The following DISC1 variants were observed in gnomAD, a reference collection of about 807,000 sequenced individuals.
The protein encoded by DISC1 is disrupted in schizophrenia 1 protein.
A neutral mutation model predicts 84.5 loss-of-function variants in DISC1; 57 were observed. The observed-to-expected ratio is 0.67, with a 90% CI of 0.55 to 0.84. The LOEUF is 0.84. Among genes scored for constraint, DISC1 ranks in the 40% least tolerant of loss-of-function variants. DISC1 has a pLI of 0.00. For missense variants in DISC1, 1,000 were observed against 1,057.8 expected (o/e 0.95, Z 0.76); for synonymous variants, 411 against 415.2 (o/e 0.99, Z 0.12).
At chr1:232,012,164 A>G (rs1488438174) in intron 11 of DISC1, among the ~76,000 whole-genome samples, 1 of 152,086 alleles carries the variant, frequency 6.6e-6, no homozygotes, top group Non-Finnish European at 1.5e-5. Flanking sequence ...AGCAACAGCT[A>G]TTTGTTTGTA....
At chr1:231,743,243 A>G (rs2073546599) in intron 3 of DISC1, among the ~76,000 whole-genome samples, 2 of 152,366 alleles carry the variant, frequency 1.3e-5, no homozygotes, top group Admixed American at 1.3e-4. Flanking sequence ...CACATACAAA[A>G]TGCCAGGCAT....
chr1:231,957,492 T>C (rs1485610306), intron 9 of DISC1, among the ~76,000 whole-genome samples: 3 of 152,250 alleles, frequency 2.0e-5, no homozygotes, highest in African/African-American at 7.2e-5. Flanking sequence ...CAGGAATCTT[T>C]ACCTCTTCTG....
At chr1:231,762,772 C>T (rs1393472415) in intron 4 of DISC1, among the ~76,000 whole-genome samples, 3 of 152,024 alleles carry the variant, frequency 2.0e-5, no homozygotes, top group African/African-American at 7.2e-5. Flanking sequence ...CGTTCTGTCT[C>T]CATCCCCAAA....
At chr1:231,866,650 C>A in intron 9 of DISC1, 1 of 1,549,564 alleles carries the variant, frequency 6.5e-7, no homozygotes. Context: ...CGCTCAACTA[C>A]TATTAATTGA....
intron 9 of DISC1, among the ~76,000 whole-genome samples, chr1:231,834,067 C>T (rs1459893201): frequency 2.6e-5 from 4 of 152,108 alleles, no homozygotes; most frequent in Admixed American, 1.3e-4. Flanking sequence ...AGAGCCTAAA[C>T]ACTATCTGAT....
chr1:231,811,031 G>A (rs2080242676), intron 8 of DISC1, among the ~76,000 whole-genome samples: 1 of 152,108 alleles, frequency 6.6e-6, no homozygotes, highest in Admixed American at 6.5e-5. Flanking sequence ...TGTATATTTA[G>A]TCAGTCACCA....
intron 9 of DISC1, among the ~76,000 whole-genome samples, chr1:231,900,136 G>A (rs138467477): frequency 6.6e-6 from 1 of 152,148 alleles, no homozygotes; most frequent in Non-Finnish European, 1.5e-5. Flanking sequence ...TGCCTTTCAC[G>A]TTTGCTTTCA....
At chr1:232,005,452 C>T in intron 10 of DISC1, among the ~76,000 whole-genome samples, 1 of 152,138 alleles carries the variant, frequency 6.6e-6, no homozygotes, top group Non-Finnish European at 1.5e-5. Flanking sequence ...TTTCTTTTCT[C>T]TCACTGCTTT....
intron 10 of DISC1, among the ~76,000 whole-genome samples, chr1:231,973,309 G>T (rs1192399881): frequency 3.9e-5 from 6 of 152,150 alleles, no homozygotes; most frequent in Admixed American, 3.9e-4. Flanking sequence ...GCCTCCCAAA[G>T]TGCTGGGATT....
At chr1:231,850,898 G>T (rs546630487) in intron 9 of DISC1, among the ~76,000 whole-genome samples, 2 of 152,114 alleles carry the variant, frequency 1.3e-5, no homozygotes, top group African/African-American at 4.8e-5. Flanking sequence ...AACACAAATG[G>T]CTCATTGTTT....
At chr1:231,922,839 G>GT (rs538557546) in intron 9 of DISC1, among the ~76,000 whole-genome samples, 167 of 152,120 alleles carry the variant, frequency 1.1e-3, no homozygotes, top group Middle Eastern at 3.4e-3. Flanking sequence ...CACCTTCTGT[G>GT]TTTTCACCTC....
At chr1:231,882,050 T>C (rs1257573172) in intron 9 of DISC1, among the ~76,000 whole-genome samples, 1 of 152,198 alleles carries the variant, frequency 6.6e-6, no homozygotes, top group Non-Finnish European at 1.5e-5. Context: ...CTCCCTGCTG[T>C]GGGCCCAGGG....
At chr1:231,892,393 G>T (rs1240413262) in intron 9 of DISC1, among the ~76,000 whole-genome samples, 1 of 152,142 alleles carries the variant, frequency 6.6e-6, no homozygotes, top group African/African-American at 2.4e-5. Context: ...TGGTGTCCAA[G>T]TAGTGCCTTC....
In DISC1 at chr1:231,818,411, C is replaced by T; in HGVS notation, c.1875C>T (p.Leu625=). The T allele has an allele frequency of 2.5e-6, 4 of 1,614,158 alleles. No homozygotes were observed. The highest frequency in any genetic ancestry group is 3.4e-6 in the Non-Finnish European group (4 of 1,180,012). Residue 625 remains leucine, a synonymous_variant, in exon 9 of 13, where the codon CTC becomes CTT. Coordinates refer to ENST00000439617, the MANE Select transcript of DISC1 (RefSeq NM_018662.3). The stretch of plus-strand genomic sequence containing the variant: ...AGAGAGAAGGGCTGGAGGGACTCCT[C>T]AGCAAGCTGTTGGTGTTGAGTTCCA... ...TSEREGLEGL[L]SKLLVLSSRN...
At chr1:231,896,388 T>C (rs2087692698) in intron 9 of DISC1, among the ~76,000 whole-genome samples, 1 of 152,238 alleles carries the variant, frequency 6.6e-6, no homozygotes, top group Non-Finnish European at 1.5e-5. Context: ...ACTCTAGGTA[T>C]GGCTTCTACT....
At chr1:231,982,677 TA>T (rs1321598098) in intron 10 of DISC1, among the ~76,000 whole-genome samples, 1 of 151,570 alleles carries the variant, frequency 6.6e-6, no homozygotes, top group Non-Finnish European at 1.5e-5. Context: ...GAAAGCGACT[TA>T]GGGGAAACAC....
intron 2 of DISC1, among the ~76,000 whole-genome samples, 168 bp from the exon 3 acceptor site, chr1:231,701,787 G>T (rs2066455292): frequency 6.6e-6 from 1 of 151,466 alleles, no homozygotes; most frequent in African/African-American, 2.4e-5. Flanking sequence ...TTTTTTTGGA[G>T]AAACTAATGC....
intron 10 of DISC1, among the ~76,000 whole-genome samples, chr1:231,995,793 A>G (rs959608499): frequency 2.6e-5 from 4 of 151,590 alleles, no homozygotes; most frequent in African/African-American, 4.8e-5. Context: ...TAGTGCCGCA[A>G]TAAACATACG....
At chr1:231,888,426 T>C (rs1469977513) in intron 9 of DISC1, among the ~76,000 whole-genome samples, 5 of 151,740 alleles carry the variant, frequency 3.3e-5, no homozygotes, top group African/African-American at 9.7e-5. Context: ...CATGAGAAGA[T>C]GATGATCCTA....
Sources: allele counts gnomAD v4.1 joint callset (sites outside exome capture counted in the v4.1 genomes callset), GRCh38; gene constraint gnomAD v4.1.1; transcripts MANE v1.5; gene names NCBI Gene and HGNC (gene_info 2026-07-23, HGNC 2026-07-21).